SHISA7: variants seen among roughly 807,000 people sequenced by gnomAD.
The protein encoded by SHISA7 is shisa family member 7.
A neutral mutation model predicts 23.9 loss-of-function variants in SHISA7; 6 were observed. That is an observed-to-expected ratio of 0.25 (90% CI 0.14 to 0.50). SHISA7 has a LOEUF of 0.50. Ranked by LOEUF, SHISA7 falls within the 20% of genes least tolerant of loss-of-function variation. The pLI is 0.98. For synonymous variants in SHISA7, 386 were observed against 398.3 expected (o/e 0.97, Z 0.37); for missense variants, 671 against 801.1 (o/e 0.84, Z 1.96).
intron 2 of SHISA7, among the ~76,000 whole-genome samples, chr19:55,439,555 C>T (rs566606061): frequency 3.3e-5 from 5 of 152,306 alleles, no homozygotes; most frequent in Non-Finnish European, 5.9e-5. Flanking sequence ...CCCAGCCTGG[C>T]GCTCAAGGCC....
intron 3 of SHISA7, among the ~76,000 whole-genome samples, chr19:55,436,270 A>G (rs1262763217): frequency 6.6e-6 from 1 of 151,560 alleles, no homozygotes; most frequent in Non-Finnish European, 1.5e-5. Flanking sequence ...CTGGGCAACA[A>G]CAGTGAAACT....
intron 3 of SHISA7, among the ~76,000 whole-genome samples, chr19:55,434,952 GGT>G (rs1479476823): frequency 2.6e-5 from 3 of 115,478 alleles, no homozygotes; most frequent in African/African-American, 3.4e-5. Context: ...TATGGTGTGT[GGT>G]GTGTGGGTGT....
intron 3 of SHISA7, among the ~76,000 whole-genome samples, chr19:55,435,100 ATGGTGTGTGTGTGGTGTGTG>A (rs1985402481): frequency 5.7e-5 from 1 of 17,412 alleles, no homozygotes; most frequent in Non-Finnish European, 1.1e-4. Context: ...GTGTGTGTGT[ATGGTGTGTGTGTGGTGTGTG>A]TGGTGTGTGT....
chr19:55,439,903 T>A (rs1985556272), intron 2 of SHISA7, among the ~76,000 whole-genome samples: 1 of 152,004 alleles, frequency 6.6e-6, no homozygotes, highest in Admixed American at 6.6e-5. Flanking sequence ...CCAGACCACA[T>A]CTTCTCAGTT....
chr19:55,435,366 T>TGTGTGGTGTATATGTG (rs1985428436), intron 3 of SHISA7, among the ~76,000 whole-genome samples: 1 of 98,514 alleles, frequency 1.0e-5, no homozygotes, highest in Admixed American at 1.3e-4. Context: ...GTGTGTGTGG[T>TGTGTGGTGTATATGTG]GTGTGTGTGG....
rs1474216373 is a variant in SHISA7 at position 55,433,206 on chromosome 19, G to C, written c.1567C>G (p.His523Asp). 2.0e-6 allele frequency: 3 copies of C among 1,529,630 alleles called. No individual in the cohort carries two copies. The highest frequency in any genetic ancestry group is 2.6e-6 in the Non-Finnish European group (3 of 1,143,464). 94.8% of individuals were successfully genotyped at this position (1,529,630 alleles called of 1,614,324 possible). ...GCCGTGCGCAGGTGCTGGGGCAGGTGGTGGCCCGGGATGAACTGCAGCTGC... is the reference window on the plus strand; with the variant it reads ...GCCGTGCGCAGGTGCTGGGGCAGGTCGTGGCCCGGGATGAACTGCAGCTGC... ...LEQLQFIPGH[H>D]LPQHLRTASK... Residue 523 changes from histidine to aspartate, a missense_variant, in exon 4 of 4, where the codon CAC (histidine) becomes GAC (aspartate). By Grantham distance (81) the His-to-Asp change is moderately conservative. Around this residue, in one of 5 missense-constraint regions of SHISA7, gnomAD observed 457 missense variants for 488.3 expected, o/e 0.94. Coordinates refer to ENST00000376325, the MANE Select transcript of SHISA7 (RefSeq NM_001145176.2). This position sits in a 1 kb window ranked among gnomAD's most constrained non-coding sequence, Gnocchi z 8.4.
rs562562295 is a variant in SHISA7 at position 55,433,518 on chromosome 19, C to T, written c.1255G>A (p.Glu419Lys). ...SQEHLLLSSP[E>K]ALRQSREHLL... ...TGCTCGCGACTCTGGCGCAGGGCCT[C>T]GGGCGAGGACAGCAGCAGGTGCTCC... Residue 419 changes from glutamate (E) to lysine (K), a missense_variant, in exon 4 of 4, where the codon GAG (glutamate) becomes AAG (lysine). Physicochemically the swap from Glu to Lys is moderately conservative, Grantham distance 56. This residue lies in a region of SHISA7 where 457 missense variants were observed against 488.3 expected (regional missense o/e 0.94). Coordinates refer to ENST00000376325, the MANE Select transcript of SHISA7 (RefSeq NM_001145176.2). The surrounding 1 kb of genome is among the most constrained non-coding windows in gnomAD (Gnocchi z 8.4). 5.7e-5 allele frequency: 84 copies of T among 1,474,760 alleles called. No individual in the cohort carries two copies. The South Asian group carries it at 9.0e-4, about 16-fold the overall frequency. The allele number at this position is 1,474,760 out of a possible 1,614,324, so 91.4% of individuals were successfully genotyped here.
chr19:55,437,514 A>T (rs1985493071), intron 3 of SHISA7, 91 bp downstream of exon 3: 40 of 1,406,330 alleles, frequency 2.8e-5, no homozygotes, highest in Admixed American at 5.6e-5. Flanking sequence ...AAACCATTGG[A>T]AGGCTCTTGG....
chr19:55,442,400 C>T lies in SHISA7; in HGVS notation c.464G>A (p.Gly155Glu), dbSNP rs1335310177. 7.3e-7 allele frequency: 1 copy of T among 1,369,134 alleles called. No homozygotes were observed. The highest frequency in any genetic ancestry group is 9.4e-7 in the Non-Finnish European group (1 of 1,065,642). The allele number at this position is 1,369,134 out of a possible 1,614,324, so 84.8% of individuals were successfully genotyped here. ...GGAGGAGGAG[G>E]GPGPGQAGWL... ...CCCGGCCTGGCCGGGCCCTGGCCCCCCGCCCGCACCCCCAGCGCCCCCGGC... is the reference window on the plus strand; with the variant it reads ...CCCGGCCTGGCCGGGCCCTGGCCCCTCGCCCGCACCCCCAGCGCCCCCGGC... The change falls in exon 1 of 4, where the codon GGG (glycine) becomes GAG (glutamate). Residue 155 changes from glycine to glutamate, a missense_variant. By Grantham distance (98) the Gly-to-Glu change is moderately conservative. Coordinates refer to ENST00000376325, the MANE Select transcript of SHISA7 (RefSeq NM_001145176.2).
chr19:55,436,578 G>A (rs1985466175), intron 3 of SHISA7, among the ~76,000 whole-genome samples: 1 of 150,160 alleles, frequency 6.7e-6, no homozygotes, highest in South Asian at 2.1e-4. Context: ...TCTCCAGCCT[G>A]AGCGACAAGA....
At position 55,432,188 on chromosome 19, in the gene SHISA7, C is replaced by T. The variant is rs1457374034; in HGVS notation, c.*968G>A. The T allele has an allele frequency of 6.5e-6, 1 of 152,830 alleles. No homozygotes were observed. Among genetic ancestry groups the T allele is most frequent in the Non-Finnish European group, 1.5e-5 (1 of 68,208 alleles). 9.5% of individuals were successfully genotyped at this position (152,830 alleles called of 1,614,324 possible). ...GCGATGCTTCCTTCAGACAACATCT[C>T]AGGACAGGGCCCCTCTCTGCTCTCT... On this transcript the variant is annotated 3_prime_UTR_variant, in exon 4 of 4. Coordinates refer to ENST00000376325, the MANE Select transcript of SHISA7 (RefSeq NM_001145176.2). The surrounding 1 kb of genome is among the most constrained non-coding windows in gnomAD (Gnocchi z 4.6).
chr19:55,435,237 CGTGTGTGCGT>C (rs1190817988), intron 3 of SHISA7, among the ~76,000 whole-genome samples: 1 of 45,508 alleles, frequency 2.2e-5, no homozygotes, highest in Non-Finnish European at 3.8e-5. Context: ...TGTGTGTGTG[CGTGTGTGCGT>C]GTGTGTGGTG....
Position 55,442,735 on chromosome 19 carries a change from C to A in SHISA7, c.129G>T (p.Leu43=). 1 of 1,070,290 alleles carries A rather than the reference C, an allele frequency of 9.3e-7. No individual in the cohort carries two copies. Among genetic ancestry groups the A allele is most frequent in the South Asian group, 4.4e-5 (1 of 22,864 alleles). 66.3% of individuals were successfully genotyped at this position (1,070,290 alleles called of 1,614,324 possible). The change falls in exon 1 of 4, where the codon CTG becomes CTT. Residue 43 remains leucine, a synonymous_variant. Transcript: ENST00000376325. ...CCCCGCCGCCCGTCAGCGCCCCGGT[C>A]AGGCGCCGCAGGTGCGCCAGCAGGG... is the stretch of plus-strand genomic sequence containing the variant. ...LPALLAHLRR[L]TGALTGGGGA...
At position 55,440,762 on chromosome 19, in the gene SHISA7, A is replaced by G. The variant is rs1985582513; in HGVS notation, c.675T>C (p.Ala225=). The change falls in exon 2 of 4, where the codon GCT becomes GCC. Residue 225 remains alanine, a synonymous_variant. Coordinates refer to ENST00000376325, the MANE Select transcript of SHISA7 (RefSeq NM_001145176.2). ...CCTGATGTCTCAGAATGTCCACCAG[A>G]GCTCTAAAGGTGGCAGAGAGGTGGT... ...RAHRDINVPR[A]LVDILRHQAG... is the part of the protein sequence containing the mutation. The G allele has an allele frequency of 8.0e-7, 1 of 1,242,902 alleles. No individual in the cohort carries two copies. The highest frequency in any genetic ancestry group is 3.2e-5 in the East Asian group (1 of 31,684). The allele number at this position is 1,242,902 out of a possible 1,614,324, so 77.0% of individuals were successfully genotyped here.
chr19:55,440,037 ATATT>A (rs1422719162), intron 2 of SHISA7, among the ~76,000 whole-genome samples: 1 of 151,138 alleles, frequency 6.6e-6, no homozygotes, highest in Non-Finnish European at 1.5e-5. Context: ...ATAATTATAT[ATATT>A]TAACAATAGC....
intron 3 of SHISA7, among the ~76,000 whole-genome samples, chr19:55,435,728 C>T (rs1985444361): frequency 6.7e-6 from 1 of 150,128 alleles, no homozygotes; most frequent in African/African-American, 2.5e-5. Context: ...TACACCACTG[C>T]ACTCCAGCCT....
At position 55,437,708 on chromosome 19, in the gene SHISA7, C is replaced by G; in HGVS notation, c.873G>C (p.Thr291=). The stretch of plus-strand genomic sequence containing the variant: ...TGTGGAAGGACCGAGAGCAGGACAG[C>G]GTGGAGTAGTGCAAGGAGGGGCTGG... ...PPPSPSLHYS[T]LSCSRSFHNL... Residue 291 remains threonine, a synonymous_variant, in exon 3 of 4, where the codon ACG becomes ACC. Coordinates refer to ENST00000376325, the MANE Select transcript of SHISA7 (RefSeq NM_001145176.2). 4 of 1,551,336 alleles carry G rather than the reference C, an allele frequency of 2.6e-6. No individual in the cohort carries two copies. The highest frequency in any genetic ancestry group is 3.5e-6 in the Non-Finnish European group (4 of 1,146,876).
chr19:55,434,844 T>TGTG lies in SHISA7; in HGVS notation c.977-1051_977-1049dup, dbSNP rs796352271. ...GTATGTGTGTGTGGTGTGTGGTGTG[T>TGTG]GTGTGCGTGTGTGTATATGTGGTGT... is the stretch of plus-strand genomic sequence containing the variant. On this transcript the variant is annotated intron_variant, in intron 3 of 3. Transcript: ENST00000376325. 2.9e-3 allele frequency among the ~76,000 whole-genome samples: 313 copies of TGTG among 107,232 alleles called. 4 individuals are homozygous for TGTG. The highest frequency in any genetic ancestry group is 6.5e-3 in the African/African-American group (167 of 25,700). The allele number at this position is 107,232 out of a possible 152,430, so 70.3% of individuals were successfully genotyped here. A position where few individuals can be genotyped will look rare whatever the true frequency, so the allele number is the denominator to read the frequency against.
chr19:55,434,722 GTGTGGTGTGTGTGGTGTATA>G (rs1316716789), intron 3 of SHISA7, among the ~76,000 whole-genome samples: 1 of 119,850 alleles, frequency 8.3e-6, no homozygotes, highest in East Asian at 2.7e-4. Flanking sequence ...GTGTGTGGTT[GTGTGGTGTGTGTGGTGTATA>G]TGTGGTGTGT....
Sources: allele counts gnomAD v4.1 joint callset (sites outside exome capture counted in the v4.1 genomes callset), GRCh38; gene constraint gnomAD v4.1.1; regional missense constraint gnomAD v4.1.1; non-coding constraint Gnocchi (gnomAD v3.1); transcripts MANE v1.5; gene names NCBI Gene and HGNC (gene_info 2026-07-23, HGNC 2026-07-21).